NDUFV1: variants seen among roughly 807,000 people sequenced by gnomAD.
NDUFV1 encodes the protein NADH:ubiquinone oxidoreductase core subunit V1, also known as NADH dehydrogenase [ubiquinone] flavoprotein 1, mitochondrial.
A neutral mutation model predicts 48.7 loss-of-function variants in NDUFV1; 41 were observed. The observed-to-expected ratio is 0.84, with a 90% confidence interval of 0.66 to 1.09. The LOEUF (loss-of-function observed/expected upper bound fraction) is 1.09. NDUFV1 is among the 50% of genes least tolerant of loss of function. NDUFV1 has a pLI of 0.00. For missense variants in NDUFV1, 580 were observed against 645.4 expected (o/e 0.90, Z 1.10); for synonymous variants, 231 against 259.1 (o/e 0.89, Z 1.04).
Position 67,611,379 on chromosome 11 carries a change from T to C in NDUFV1, c.914-24T>C, listed in dbSNP as rs1427841518. 6.2e-6 allele frequency: 10 copies of C among 1,612,080 alleles called. No individual in the cohort carries two copies. The African/African-American group carries it at 1.1e-4, about 17-fold the overall frequency. On this transcript the variant is annotated intron_variant, in intron 6 of 9. Coordinates refer to ENST00000322776, the MANE Select transcript of NDUFV1 (RefSeq NM_007103.4). The surrounding 1 kb of genome is among the most constrained non-coding windows in gnomAD (Gnocchi z 4.2). ...GCCCCAGCCCTGACCATGCATCCCTTTGGGGACCGACTTGGGGCCCCAGGG... is the reference window on the plus strand; with the variant it reads ...GCCCCAGCCCTGACCATGCATCCCTCTGGGGACCGACTTGGGGCCCCAGGG...
chr11:67,609,552 C>G lies in NDUFV1; in HGVS notation c.427C>G (p.Leu143Val). The change falls in exon 4 of 10, where the codon CTG becomes GTG. Residue 143 changes from leucine (L) to valine (V), a missense_variant. Transcript: ENST00000322776. ...TCCTCACAAGCTGCTGGAAGGCTGC[C>G]TGGTGGGGGGCCGGGCCATGGGCGC... ...HDPHKLLEGC[L>V]VGGRAMGARA... The G allele has an allele frequency of 6.2e-7, 1 of 1,613,072 alleles. No homozygotes were observed. Among genetic ancestry groups the G allele is most frequent in the South Asian group, 1.1e-5 (1 of 91,070 alleles).
Position 67,607,029 on chromosome 11 carries a change from G to A in NDUFV1, c.25G>A (p.Gly9Ser), listed in dbSNP as rs768537128. Reference sequence around the variant, plus strand: ...GATGCTGGCAACACGGCGGCTGCTCGGCTGGTCGCTTCCCGCGCGGGTATC... The same window carrying A: ...GATGCTGGCAACACGGCGGCTGCTCAGCTGGTCGCTTCCCGCGCGGGTATC... MLATRRLL[G>S]WSLPARVSVR... Residue 9 changes from glycine to serine, a missense_variant, in exon 1 of 10, where the codon GGC (glycine) becomes AGC (serine). Transcript: ENST00000322776. The A allele has an allele frequency of 1.2e-6, 2 of 1,609,670 alleles. No individual in the cohort carries two copies. Among genetic ancestry groups the A allele is most frequent in the South Asian group, 1.1e-5 (1 of 90,586 alleles).
chr11:67,611,838 G>A lies in NDUFV1; in HGVS notation c.1081-59G>A, dbSNP rs546992129. 1.3e-5 allele frequency: 20 copies of A among 1,591,300 alleles called. No individual in the cohort carries two copies. The Admixed American group carries it at 2.5e-4, about 20-fold the overall frequency. ...CTGGGGGAGGGGCTGCTGCTAGGGGGCTGAGGCCCAGGCTTCTGTCTGGCC... is the reference window on the plus strand; with the variant it reads ...CTGGGGGAGGGGCTGCTGCTAGGGGACTGAGGCCCAGGCTTCTGTCTGGCC... On this transcript the variant is annotated intron_variant, in intron 7 of 9. Transcript: ENST00000322776. The surrounding 1 kb of genome is among the most constrained non-coding windows in gnomAD (Gnocchi z 4.2).
intron 3 of NDUFV1, 148 bp downstream of exon 3, chr11:67,608,870 T>C: frequency 9.2e-7 from 1 of 1,081,698 alleles, no homozygotes. Flanking sequence ...TGGGACTTAC[T>C]CTGTGGACTT....
chr11:67,609,660 A>G (rs755489047), intron 4 of NDUFV1, 25 bp downstream of exon 4: 1 of 1,599,396 alleles, frequency 6.3e-7, no homozygotes, highest in Non-Finnish European at 8.5e-7. Flanking sequence ...ATGTAGACAG[A>G]TGAGAAGGTG....
At chr11:67,609,661 T>C (rs375998524) in intron 4 of NDUFV1, 26 bp downstream of exon 4, 10 of 1,598,896 alleles carry the variant, frequency 6.3e-6, no homozygotes, top group African/African-American at 1.3e-5. Context: ...TGTAGACAGA[T>C]GAGAAGGTGT....
In NDUFV1 at chr11:67,611,410, C is replaced by T. The variant is rs747915534; in HGVS notation, c.921C>T (p.Val307=). 2 of 1,613,562 alleles carry T rather than the reference C, an allele frequency of 1.2e-6. No homozygotes were observed. Among genetic ancestry groups the T allele is most frequent in the Middle Eastern group, 1.8e-4 (1 of 5,682 alleles). Residue 307 remains valine (V), a synonymous_variant, in exon 7 of 10, where the codon GTC becomes GTT. Coordinates refer to ENST00000322776, the MANE Select transcript of NDUFV1 (RefSeq NM_007103.4). The surrounding 1 kb of genome is among the most constrained non-coding windows in gnomAD (Gnocchi z 4.2). The part of the protein sequence containing the change: ...KELIEKHAGG[V]TGGWDNLLAV... ...ACCGACTTGGGGCCCCAGGGGGTGT[C>T]ACGGGCGGCTGGGACAACCTCCTTG...
At position 67,611,516 on chromosome 11, in the gene NDUFV1, G is replaced by A. The variant is rs1211738107; in HGVS notation, c.1027G>A (p.Val343Met). Residue 343 changes from valine to methionine, a missense_variant, in exon 7 of 10, where the codon GTG becomes ATG. Coordinates refer to ENST00000322776, the MANE Select transcript of NDUFV1 (RefSeq NM_007103.4). The surrounding 1 kb of genome is among the most constrained non-coding windows in gnomAD (Gnocchi z 4.2). ...GGTGCTGATGGACTTCGATGCGCTGGTGCAGGCACAGACAGGCCTGGGCAC... is the reference window on the plus strand; with the variant it reads ...GGTGCTGATGGACTTCGATGCGCTGATGCAGGCACAGACAGGCCTGGGCAC... ...ETVLMDFDAL[V>M]QAQTGLGTAA... 1 of 1,613,146 alleles carries A rather than the reference G, an allele frequency of 6.2e-7. No individual in the cohort carries two copies. The highest frequency in any genetic ancestry group is 1.7e-5 in the Admixed American group (1 of 59,840).
At position 67,608,413 on chromosome 11, in the gene NDUFV1, C is replaced by T; in HGVS notation, c.90C>T (p.Thr30=). Residue 30 remains threonine, a synonymous_variant, in exon 2 of 10, where the codon ACC becomes ACT. Coordinates refer to ENST00000322776, the MANE Select transcript of NDUFV1 (RefSeq NM_007103.4). ...CTCCCTAGACAGCACCCAAGAAAAC[C>T]TCATTTGGCTCGCTGAAGGATGAAG... The part of the protein sequence containing the change: ...FSGDTTAPKK[T]SFGSLKDEDR... The T allele has an allele frequency of 6.2e-6, 10 of 1,614,102 alleles. No homozygotes were observed. The highest frequency in any genetic ancestry group is 8.5e-6 in the Non-Finnish European group (10 of 1,180,018).
chr11:67,611,677 C>G lies in NDUFV1; in HGVS notation c.1080+108C>G. 1 of 1,505,166 alleles carries G rather than the reference C, an allele frequency of 6.6e-7. No individual in the cohort carries two copies. The highest frequency in any genetic ancestry group is 9.0e-7 in the Non-Finnish European group (1 of 1,111,090). The allele number at this position is 1,505,166 out of a possible 1,614,324, so 93.2% of individuals were successfully genotyped here. On this transcript the variant is annotated intron_variant, in intron 7 of 9. Transcript: ENST00000322776. This position sits in a 1 kb window ranked among gnomAD's most constrained non-coding sequence, Gnocchi z 4.2. ...AGCACTCAGGTCTCAGTTCCTGCAG[C>G]CTGAGATAAAGCAAGGTGGAAGAGG... is the stretch of plus-strand genomic sequence containing the variant.
At chr11:67,610,968 A>G in intron 5 of NDUFV1, 27 bp from the exon 6 acceptor site, 1 of 1,612,816 alleles carries the variant, frequency 6.2e-7, no homozygotes. Flanking sequence ...CCTAGCAGCC[A>G]CCAGTTCTCT....
At chr11:67,610,347 G>T (rs1854888117) in intron 4 of NDUFV1, 34 bp from the exon 5 acceptor site, 1 of 1,587,470 alleles carries the variant, frequency 6.3e-7, no homozygotes, top group South Asian at 1.1e-5. Flanking sequence ...CTGGGCTGGG[G>T]GTGGGCTGGG....
chr11:67,607,239 G>C (rs1854823366), intron 1 of NDUFV1, 163 bp downstream of exon 1: 6 of 818,756 alleles, frequency 7.3e-6, no homozygotes, highest in African/African-American at 3.4e-5. Flanking sequence ...AGGGGAACGG[G>C]TCCCAACGCG....
At chr11:67,610,942 G>C in intron 5 of NDUFV1, 53 bp from the exon 6 acceptor site, 1 of 1,580,302 alleles carries the variant, frequency 6.3e-7, no homozygotes, top group Non-Finnish European at 8.7e-7. Context: ...TCCCTGCCAG[G>C]AAACTTGCCC....
In NDUFV1 at chr11:67,611,222, C is replaced by G; in HGVS notation, c.913+15C>G. On this transcript the variant is annotated intron_variant, in intron 6 of 9. Coordinates refer to ENST00000322776, the MANE Select transcript of NDUFV1 (RefSeq NM_007103.4). The surrounding 1 kb of genome is among the most constrained non-coding windows in gnomAD (Gnocchi z 4.2). ...GAAGCATGCTGGTAAGGCCTGGGGC[C>G]AGCCAGGTGGTGGGGGGGTGCGCAG... 1 of 1,613,164 alleles carries G rather than the reference C, an allele frequency of 6.2e-7. No homozygotes were observed. Among genetic ancestry groups the G allele is most frequent in the South Asian group, 1.1e-5 (1 of 91,056 alleles).
In NDUFV1 at chr11:67,611,232, G is replaced by GT. The variant is rs1565225638; in HGVS notation, c.913+26dup. ...GGTAAGGCCTGGGGCCAGCCAGGTG[G>GT]TGGGGGGGTGCGCAGTGGGGGCAGG... is the stretch of plus-strand genomic sequence containing the variant. On this transcript the variant is annotated intron_variant, in intron 6 of 9. Transcript: ENST00000322776. The surrounding 1 kb of genome is among the most constrained non-coding windows in gnomAD (Gnocchi z 4.2). 6.2e-7 allele frequency: 1 copy of GT among 1,611,852 alleles called. No individual in the cohort carries two copies. Among genetic ancestry groups the GT allele is most frequent in the African/African-American group, 1.3e-5 (1 of 74,982 alleles).
At position 67,611,816 on chromosome 11, in the gene NDUFV1, G is replaced by T. The variant is rs183000901; in HGVS notation, c.1081-81G>T. 1.6e-4 allele frequency: 253 copies of T among 1,553,720 alleles called. 4 individuals carry two copies. The African/African-American group carries it at 2.8e-3, about 17-fold the overall frequency. ...GGGCTGGGAAGAGCTTCTGGAACTG[G>T]GGGAGGGGCTGCTGCTAGGGGGCTG... On this transcript the variant is annotated intron_variant, in intron 7 of 9. Transcript: ENST00000322776. The surrounding 1 kb of genome is among the most constrained non-coding windows in gnomAD (Gnocchi z 4.2).
Position 67,612,398 on chromosome 11 carries a change from G to A in NDUFV1, c.1335G>A (p.Glu445=). 2 of 1,612,992 alleles carry A rather than the reference G, an allele frequency of 1.2e-6. No homozygotes were observed. Among genetic ancestry groups the A allele is most frequent in the Admixed American group, 1.7e-5 (1 of 60,030 alleles). Residue 445 remains glutamate, a synonymous_variant, in exon 10 of 10, where the codon GAG becomes GAA. Transcript: ENST00000322776. This position sits in a 1 kb window ranked among gnomAD's most constrained non-coding sequence, Gnocchi z 4.4. The part of the protein sequence containing the change: ...VQGLIRHFRP[E]LEERMQRFAQ... ...GTCTGATCCGCCACTTTCGGCCGGA[G>A]CTCGAGGAGCGGATGCAGCGGTTTG...
chr11:67,611,690 A>G lies in NDUFV1; in HGVS notation c.1080+121A>G. On this transcript the variant is annotated intron_variant, in intron 7 of 9. Coordinates refer to ENST00000322776, the MANE Select transcript of NDUFV1 (RefSeq NM_007103.4). This position sits in a 1 kb window ranked among gnomAD's most constrained non-coding sequence, Gnocchi z 4.2. The stretch of plus-strand genomic sequence containing the variant: ...CAGTTCCTGCAGCCTGAGATAAAGC[A>G]AGGTGGAAGAGGAGGGAGGAAGGCT... The G allele has an allele frequency of 6.8e-7, 1 of 1,471,140 alleles. No individual in the cohort carries two copies. Among genetic ancestry groups the G allele is most frequent in the Non-Finnish European group, 9.2e-7 (1 of 1,081,894 alleles). 91.1% of individuals were successfully genotyped at this position (1,471,140 alleles called of 1,614,324 possible).
Sources: allele counts gnomAD v4.1 joint callset, GRCh38; gene constraint gnomAD v4.1.1; non-coding constraint Gnocchi (gnomAD v3.1); transcripts MANE v1.5; gene names NCBI Gene and HGNC (gene_info 2026-07-23, HGNC 2026-07-21).